The following RPH3AL variants were observed in gnomAD, a reference collection of about 807,000 sequenced individuals.
The protein encoded by RPH3AL is rabphilin 3A like (without C2 domains).
A neutral mutation model predicts 43.1 loss-of-function variants in RPH3AL; 38 were observed. The observed-to-expected ratio is 0.88, with a 90% confidence interval of 0.68 to 1.15. The LOEUF (loss-of-function observed/expected upper bound fraction) is 1.15, where lower values mean the gene tolerates loss of function less well. Among genes scored for constraint, RPH3AL ranks in the 50% most tolerant of loss-of-function variants. RPH3AL has a pLI of 0.00. For synonymous variants in RPH3AL, 189 were observed against 176.3 expected (o/e 1.07, Z -0.57); for missense variants, 462 against 423.2 (o/e 1.09, Z -0.81).
intron 2 of RPH3AL, chr17:330,916 A>G (rs995923569): frequency 6.6e-6 from 1 of 151,804 alleles, no homozygotes; most frequent in Non-Finnish European, 1.5e-5. Context: ...GCTTTTATGT[A>G]AACTTACTAG....
At chr17:262,406 G>T (rs1047726932) in intron 6 of RPH3AL, among the ~76,000 whole-genome samples, 1 of 152,106 alleles carries the variant, frequency 6.6e-6, no homozygotes, top group Non-Finnish European at 1.5e-5. Context: ...AGTAGAGACG[G>T]GGTTTCACCA....
intron 5 of RPH3AL, among the ~76,000 whole-genome samples, chr17:312,910 G>A (rs1481376648): frequency 3.3e-5 from 5 of 152,206 alleles, no homozygotes; most frequent in Non-Finnish European, 7.3e-5. Flanking sequence ...CGTGCCAGGT[G>A]CTTGCAGGAA....
At chr17:285,300 T>C (rs2042880615) in intron 5 of RPH3AL, among the ~76,000 whole-genome samples, 1 of 152,078 alleles carries the variant, frequency 6.6e-6, no homozygotes, top group Admixed American at 6.6e-5. Context: ...GCGCACAGGT[T>C]TGGGGATGGC....
At chr17:261,664 A>G (rs956153189) in intron 6 of RPH3AL, 2 of 152,248 alleles carry the variant, frequency 1.3e-5, no homozygotes, top group Admixed American at 6.5e-5. Flanking sequence ...CTAGAATTCT[A>G]TCAGCCAAAC....
rs1567569465 is a variant in RPH3AL at position 233,856 on chromosome 17, T to TACTTACCCTGACCAACTTCCCC, written c.613+13254_613+13255insGGGGAAGTTGGTCAGGGTAAGT. Among the ~76,000 whole-genome samples, 52 of 100,718 alleles carry TACTTACCCTGACCAACTTCCCC rather than the reference T, an allele frequency of 5.2e-4. 2 individuals carry two copies. The highest frequency in any genetic ancestry group is 8.5e-4 in the African/African-American group (19 of 22,294). 66.1% of individuals were successfully genotyped at this position (100,718 alleles called of 152,430 possible). A position where few individuals can be genotyped will look rare whatever the true frequency, so the allele number is the denominator to read the frequency against. The stretch of plus-strand genomic sequence containing the variant: ...GGCTACTTCCCCTGACCAACTTCCC[T>TACTTACCCTGACCAACTTCCCC]GAGCAGGGAGCGGCTACTTCCCCTG... On this transcript the variant is annotated intron_variant, in intron 7 of 9. Transcript: ENST00000331302.
At chr17:315,623 A>ACTGACCTGTAGTACCTGTG (rs2044014542) in intron 5 of RPH3AL, among the ~76,000 whole-genome samples, 1 of 47,222 alleles carries the variant, frequency 2.1e-5, no homozygotes, top group African/African-American at 7.9e-5. Context: ...TAGTCCCTGT[A>ACTGACCTGTAGTACCTGTG]CTCCACCTCC....
chr17:230,481 A>G (rs2041206535), intron 7 of RPH3AL, among the ~76,000 whole-genome samples: 2 of 152,172 alleles, frequency 1.3e-5, no homozygotes, highest in African/African-American at 2.4e-5. Context: ...GGCATAATTT[A>G]GACACAAAAG....
At chr17:335,141 C>T (rs1430412770) in intron 1 of RPH3AL, among the ~76,000 whole-genome samples, 1 of 152,172 alleles carries the variant, frequency 6.6e-6, no homozygotes, top group Non-Finnish European at 1.5e-5. Flanking sequence ...TGGCTGGGGA[C>T]GCATTCCCAA....
chr17:248,414 C>T (rs1397466773), intron 6 of RPH3AL, among the ~76,000 whole-genome samples: 1 of 152,156 alleles, frequency 6.6e-6, no homozygotes, highest in Admixed American at 6.5e-5. Flanking sequence ...TGTAGTCCCC[C>T]AGGGACTCTG....
chr17:248,954 C>A (rs1241957804), intron 6 of RPH3AL, among the ~76,000 whole-genome samples: 1 of 152,156 alleles, frequency 6.6e-6, no homozygotes, highest in African/African-American at 2.4e-5. Flanking sequence ...TGAGGGAGAG[C>A]CAGGCTGGAC....
intron 7 of RPH3AL, 41 bp from the exon 8 acceptor site, chr17:219,777 GC>G: frequency 1.4e-6 from 2 of 1,460,074 alleles, no homozygotes; most frequent in East Asian, 2.3e-5. Context: ...CACCCGACCA[GC>G]CCCTACCTGC....
At chr17:235,351 A>T (rs71372182) in intron 7 of RPH3AL, among the ~76,000 whole-genome samples, 15 of 92,858 alleles carry the variant, frequency 1.6e-4, no homozygotes, top group Non-Finnish European at 2.2e-5. Flanking sequence ...AGACGGATCC[A>T]GGGTTCAAAG....
chr17:296,448 A>G (rs531001653), intron 5 of RPH3AL, among the ~76,000 whole-genome samples: 2 of 135,468 alleles, frequency 1.5e-5, no homozygotes, highest in South Asian at 2.5e-4. Flanking sequence ...TGCAGACATG[A>G]ACGGGCAGAG....
intron 3 of RPH3AL, among the ~76,000 whole-genome samples, chr17:324,764 C>T (rs965456605): frequency 2.0e-5 from 3 of 148,786 alleles, no homozygotes; most frequent in African/African-American, 5.0e-5. Context: ...CTCGGTCTGT[C>T]GCCCAGGCTG....
intron 6 of RPH3AL, among the ~76,000 whole-genome samples, chr17:275,240 A>C (rs1440711030): frequency 1.2e-5 from 1 of 84,882 alleles, no homozygotes; most frequent in African/African-American, 3.1e-5. Flanking sequence ...CAGCAAAAAA[A>C]ACAAAAAACA....
At chr17:312,803 C>T (rs149784509) in intron 5 of RPH3AL, among the ~76,000 whole-genome samples, 7 of 152,320 alleles carry the variant, frequency 4.6e-5, no homozygotes, top group South Asian at 2.1e-4. Context: ...ACCGCGCCAC[C>T]GTGGCCAAGC....
Position 222,139 on chromosome 17 carries a change from C to G in RPH3AL, c.614-2403G>C, listed in dbSNP as rs182296683. 7.4e-4 allele frequency among the ~76,000 whole-genome samples: 112 copies of G among 152,052 alleles called. 1 individual carries two copies. The highest frequency in any genetic ancestry group is 2.6e-3 in the African/African-American group (106 of 41,558). On this transcript the variant is annotated intron_variant, in intron 7 of 9. Coordinates refer to ENST00000331302, the MANE Select transcript of RPH3AL (RefSeq NM_006987.4). ...GCAATGCTCTGCAGGGATGTGGGGA[C>G]AGTCAGAGCTGACCCTTAGGGAGCA...
chr17:246,191 T>C lies in RPH3AL; in HGVS notation c.613+920A>G, dbSNP rs1408195936. ...GTCAGGTCACAACCGAAGACCAGGATGTCGCAAAGCCCCTGAGAAGCGGCC... is the reference window on the plus strand; with the variant it reads ...GTCAGGTCACAACCGAAGACCAGGACGTCGCAAAGCCCCTGAGAAGCGGCC... On this transcript the variant is annotated intron_variant, in intron 7 of 9. Transcript: ENST00000331302. This position sits in a 1 kb window ranked among gnomAD's most constrained non-coding sequence, Gnocchi z 4.8. Among the ~76,000 whole-genome samples, 1 of 152,156 alleles carries C rather than the reference T, an allele frequency of 6.6e-6. No individual in the cohort carries two copies. Among genetic ancestry groups the C allele is most frequent in the Admixed American group, 6.5e-5 (1 of 15,282 alleles).
intron 5 of RPH3AL, among the ~76,000 whole-genome samples, chr17:284,599 G>A (rs751710586): frequency 2.0e-5 from 3 of 151,950 alleles, no homozygotes; most frequent in Non-Finnish European, 4.4e-5. Context: ...CAGTGGGGAG[G>A]GGAGAGGTTT....
Sources: allele counts gnomAD v4.1 joint callset (sites outside exome capture counted in the v4.1 genomes callset), GRCh38; gene constraint gnomAD v4.1.1; non-coding constraint Gnocchi (gnomAD v3.1); transcripts MANE v1.5; gene names NCBI Gene and HGNC (gene_info 2026-07-23, HGNC 2026-07-21).